VWC2L: variants seen among roughly 807,000 people sequenced by gnomAD.
The protein encoded by VWC2L is von Willebrand factor C domain containing 2 like, also known as von Willebrand factor C domain-containing protein 2-like.
In VWC2L, 10 loss-of-function variants were observed where a neutral mutation model predicts 21.6. That is an observed-to-expected ratio of 0.46 (90% confidence interval 0.29 to 0.78). The LOEUF is 0.78. VWC2L is among the 30% of genes least tolerant of loss of function. VWC2L has a pLI of 0.10. For synonymous variants in VWC2L, 96 were observed against 94.3 expected (o/e 1.02, Z -0.10); for missense variants, 209 against 277.1 (o/e 0.75, Z 1.74).
At chr2:214,574,563 T>C (rs1049215220) in intron 3 of VWC2L, among the ~76,000 whole-genome samples, 3 of 152,194 alleles carry the variant, frequency 2.0e-5, no homozygotes, top group Non-Finnish European at 4.4e-5. Flanking sequence ...CTGATACTGA[T>C]ATGCATTGCC....
intron 3 of VWC2L, among the ~76,000 whole-genome samples, chr2:214,557,796 T>G (rs1689896882): frequency 2.0e-5 from 3 of 152,112 alleles, no homozygotes; most frequent in African/African-American, 7.2e-5. Flanking sequence ...AACACAGAAT[T>G]TCGTGCCTTT....
intron 3 of VWC2L, among the ~76,000 whole-genome samples, chr2:214,532,806 C>A (rs1689460470): frequency 6.6e-6 from 1 of 152,054 alleles, no homozygotes; most frequent in African/African-American, 2.4e-5. Context: ...AGAGCAGAAA[C>A]CTAAAACTTT....
chr2:214,577,279 G>C lies in VWC2L; in HGVS notation c.*1459G>C, dbSNP rs750696222. The stretch of plus-strand genomic sequence containing the variant: ...GGCTTTGCCATAGCTCCTGTGGAGA[G>C]CCATATTCTAGAGCAAGGTGTCTCA... On this transcript the variant is annotated 3_prime_UTR_variant, in exon 4 of 4. Coordinates refer to ENST00000312504, the MANE Select transcript of VWC2L (RefSeq NM_001080500.4). The C allele has an allele frequency of 4.6e-5, 7 of 152,174 alleles. No individual in the cohort carries two copies. The highest frequency in any genetic ancestry group is 1.7e-4 in the African/African-American group (7 of 41,428). 9.4% of individuals were successfully genotyped at this position (152,174 alleles called of 1,614,324 possible). A position where few individuals can be genotyped will look rare whatever the true frequency, so the allele number is the denominator to read the frequency against.
chr2:214,449,999 TC>T (rs1414395542), intron 3 of VWC2L, among the ~76,000 whole-genome samples: 2 of 152,276 alleles, frequency 1.3e-5, no homozygotes, highest in African/African-American at 4.8e-5. Context: ...CAGTGTTGCG[TC>T]CAAATTTTGA....
At chr2:214,417,928 A>G (rs1177846738) in intron 2 of VWC2L, among the ~76,000 whole-genome samples, 2 of 152,194 alleles carry the variant, frequency 1.3e-5, no homozygotes, top group African/African-American at 4.8e-5. Flanking sequence ...CATTCAGGAC[A>G]GTTTTCAGGG....
At chr2:214,504,283 G>A (rs186201348) in intron 3 of VWC2L, among the ~76,000 whole-genome samples, 16 of 152,360 alleles carry the variant, frequency 1.1e-4, no homozygotes, top group Non-Finnish European at 1.9e-4. Context: ...TGGAATGAGT[G>A]ATGTTGGAAG....
intron 3 of VWC2L, among the ~76,000 whole-genome samples, chr2:214,470,483 C>T (rs7564279): frequency 0.75 from 114,676 of 151,964 alleles, 45,830 homozygotes; most frequent in East Asian, 0.99. Flanking sequence ...TGAGTGCCAA[C>T]CAAATGATTC....
intron 3 of VWC2L, among the ~76,000 whole-genome samples, chr2:214,572,133 T>C (rs112097082): frequency 0.011 from 1,602 of 152,318 alleles, 32 homozygotes; most frequent in African/African-American, 0.037. Context: ...ACCACATTGC[T>C]GGCAACTACT....
intron 3 of VWC2L, among the ~76,000 whole-genome samples, chr2:214,567,593 CACAG>C (rs1272358311): frequency 3.3e-4 from 44 of 132,982 alleles, no homozygotes; most frequent in African/African-American, 9.4e-4. Flanking sequence ...CACACACACA[CACAG>C]AGAGAGAGAG....
At chr2:214,530,999 A>C (rs1212906992) in intron 3 of VWC2L, among the ~76,000 whole-genome samples, 2 of 152,210 alleles carry the variant, frequency 1.3e-5, no homozygotes, top group Non-Finnish European at 2.9e-5. Context: ...ATTGCCACCC[A>C]CCCACACAGT....
chr2:214,485,862 A>C (rs760458831), intron 3 of VWC2L, among the ~76,000 whole-genome samples: 2 of 152,242 alleles, frequency 1.3e-5, no homozygotes, highest in African/African-American at 4.8e-5. Context: ...AAAGAAATAA[A>C]TATTGGGAAA....
At chr2:214,545,301 T>C (rs1380511271) in intron 3 of VWC2L, among the ~76,000 whole-genome samples, 2 of 152,192 alleles carry the variant, frequency 1.3e-5, no homozygotes, top group African/African-American at 4.8e-5. Context: ...AAAGCCACTG[T>C]TATTCATTGT....
intron 3 of VWC2L, chr2:214,473,776 TAA>T (rs57654944): frequency 4.1e-3 from 594 of 145,340 alleles, no homozygotes; most frequent in Admixed American, 6.6e-3. Context: ...CTTCCTGATT[TAA>T]AAAAAAAAAA....
At chr2:214,445,491 TG>T (rs1702824627) in intron 3 of VWC2L, among the ~76,000 whole-genome samples, 1 of 151,762 alleles carries the variant, frequency 6.6e-6, no homozygotes, top group Non-Finnish European at 1.5e-5. Flanking sequence ...AAACTATACA[TG>T]TATGTACATA....
At chr2:214,552,161 T>C (rs957788814) in intron 3 of VWC2L, among the ~76,000 whole-genome samples, 3 of 152,202 alleles carry the variant, frequency 2.0e-5, no homozygotes, top group African/African-American at 7.2e-5. Flanking sequence ...ACATGAACAC[T>C]CAGAACTTCT....
At chr2:214,432,340 C>A (rs894690932) in intron 2 of VWC2L, among the ~76,000 whole-genome samples, 2 of 152,056 alleles carry the variant, frequency 1.3e-5, no homozygotes, top group African/African-American at 4.8e-5. Flanking sequence ...GTAAAGAAAT[C>A]AGTAAGATAG....
rs16852056 is a variant in VWC2L, at chr2:214,576,181, T to G, written c.*361T>G. The G allele has an allele frequency of 0.017, 2,724 of 158,508 alleles. 86 individuals are homozygous for G. Among genetic ancestry groups the G allele is most frequent in the African/African-American group, 0.061 (2,543 of 41,770 alleles). 9.8% of individuals were successfully genotyped at this position (158,508 alleles called of 1,614,324 possible). A position where few individuals can be genotyped will look rare whatever the true frequency, so the allele number is the denominator to read the frequency against. ...CCCCTGGTTTACTTCATTTTTACTC[T>G]TCTGTACATTGTACATGGCATTGTT... is the stretch of plus-strand genomic sequence containing the variant. On this transcript the variant is annotated 3_prime_UTR_variant, in exon 4 of 4. Transcript: ENST00000312504.
intron 3 of VWC2L, among the ~76,000 whole-genome samples, chr2:214,520,106 G>A (rs892525506): frequency 7.6e-6 from 1 of 131,834 alleles, no homozygotes; most frequent in African/African-American, 2.7e-5. Flanking sequence ...TAGATGTCTT[G>A]TGTTTACATA....
At chr2:214,414,748 C>T in intron 2 of VWC2L, 165 bp downstream of exon 2, 3 of 737,922 alleles carry the variant, frequency 4.1e-6, no homozygotes, top group Non-Finnish European at 4.2e-6. Context: ...CAACAAATGG[C>T]CAACTGGTTT....
Sources: gnomAD v4.1 joint callset for allele counts (sites outside exome capture counted in the v4.1 genomes callset) on GRCh38, gnomAD v4.1.1 for gene constraint, MANE v1.5 for transcripts, NCBI Gene and HGNC (gene_info 2026-07-23, HGNC 2026-07-21) for gene names.